NELFB: variants seen among roughly 807,000 people sequenced by gnomAD.
NELFB encodes negative elongation factor complex member B.
A neutral mutation model predicts 60.2 loss-of-function variants in NELFB; 34 were observed. That is an observed-to-expected ratio of 0.56 (90% CI 0.43 to 0.75). The LOEUF is 0.75. Among genes scored for constraint, NELFB ranks in the 30% least tolerant of loss-of-function variants. The probability of loss-of-function intolerance (pLI) is 0.00; values close to 1 mark genes in which losing one functional copy is unlikely to be tolerated. For missense variants in NELFB, 770 were observed against 831.6 expected (o/e 0.93, Z 0.91); for synonymous variants, 459 against 382.1 (o/e 1.20, Z -2.35).
chr9:137,258,718 G>A (rs1353381670), intron 4 of NELFB, among the ~76,000 whole-genome samples: 1 of 152,082 alleles, frequency 6.6e-6, no homozygotes, highest in African/African-American at 2.4e-5. Context: ...GCCTCCCAAA[G>A]TGCTGGGATT....
At chr9:137,271,965 C>A in intron 10 of NELFB, 116 bp from the exon 11 acceptor site, 1 of 1,350,804 alleles carries the variant, frequency 7.4e-7, no homozygotes, top group Non-Finnish European at 1.0e-6. Flanking sequence ...CTCAGAACAA[C>A]TGAGAACTCT....
chr9:137,257,504 CTTTTTTTT>C (rs56957141), intron 4 of NELFB, among the ~76,000 whole-genome samples: 1 of 121,316 alleles, frequency 8.2e-6, no homozygotes, highest in African/African-American at 3.1e-5. Flanking sequence ...TTTTCTTTTT[CTTTTTTTT>C]TTTTTTTGAG....
At chr9:137,263,302 G>A (rs1212980812) in intron 5 of NELFB, 80 bp downstream of exon 5, 14 of 1,199,264 alleles carry the variant, frequency 1.2e-5, no homozygotes, top group African/African-American at 2.9e-5. Flanking sequence ...CCCACTCCCC[G>A]GCCCTCCCTC....
intron 8 of NELFB, 48 bp from the exon 9 acceptor site, chr9:137,266,896 G>A (rs1490644179): frequency 6.2e-7 from 1 of 1,602,698 alleles, no homozygotes; most frequent in South Asian, 1.1e-5. Flanking sequence ...AGGGTGGGGT[G>A]GGGCAGGGCC....
At position 137,256,922 on chromosome 9, in the gene NELFB, C is replaced by G; in HGVS notation, c.609C>G (p.Ala203=). Residue 203 remains alanine (A), a synonymous_variant, in exon 4 of 13, where the codon GCC becomes GCG. Coordinates refer to ENST00000343053, the MANE Select transcript of NELFB (RefSeq NM_015456.5). Reference sequence around the variant, plus strand: ...GGCAGATCTGGCAAGACAACCAGGCCCTCTTCGGGGACGAGGTTTCCCCAC... The same window carrying G: ...GGCAGATCTGGCAAGACAACCAGGCGCTCTTCGGGGACGAGGTTTCCCCAC... 1 of 1,614,184 alleles carries G rather than the reference C, an allele frequency of 6.2e-7. No individual in the cohort carries two copies. Among genetic ancestry groups the G allele is most frequent in the Non-Finnish European group, 8.5e-7 (1 of 1,180,046 alleles).
intron 6 of NELFB, among the ~76,000 whole-genome samples, chr9:137,265,549 C>T (rs1006165543): frequency 5.3e-5 from 8 of 151,964 alleles, no homozygotes; most frequent in Admixed American, 1.3e-4. Flanking sequence ...CCACCACGCC[C>T]GGCTAATTTT....
intron 3 of NELFB, among the ~76,000 whole-genome samples, 189 bp downstream of exon 3, chr9:137,256,617 G>A (rs1201033379): frequency 6.6e-6 from 1 of 152,224 alleles, no homozygotes; most frequent in African/African-American, 2.4e-5. Context: ...TAGCACTGGA[G>A]TTAGGGTGTG....
intron 4 of NELFB, among the ~76,000 whole-genome samples, chr9:137,261,837 C>T (rs1017364081): frequency 6.6e-6 from 1 of 151,466 alleles, no homozygotes. Context: ...GTAGTGGCCC[C>T]GAATGTCAGG....
In NELFB at chr9:137,272,771, G is replaced by T; in HGVS notation, c.1741-11G>T. On this transcript the variant is annotated splice_polypyrimidine_tract_variant and intron_variant, in intron 12 of 12. Transcript: ENST00000343053. ...TGCGCCTCGCCTGCCCCATGGTGTG[G>T]TTCCCCGCAGAGCGGAGAGGCAGTG... 6.5e-7 allele frequency: 1 copy of T among 1,540,106 alleles called. No individual in the cohort carries two copies. The highest frequency in any genetic ancestry group is 8.8e-7 in the Non-Finnish European group (1 of 1,140,238).
chr9:137,264,146 A>G, intron 5 of NELFB, 99 bp from the exon 6 acceptor site: 1 of 883,062 alleles, frequency 1.1e-6, no homozygotes, highest in Admixed American at 2.2e-5. Flanking sequence ...AGCAGCTATG[A>G]TTGAACAAGA....
At position 137,273,019 on chromosome 9, in the gene NELFB, A is replaced by G. The variant is rs1830604413; in HGVS notation, c.*91A>G. ...GCTCCCGGACCTGGATGTACAGGGC[A>G]GTCTCTCTTCCCGGGGCTATGGCTG... On this transcript the variant is annotated 3_prime_UTR_variant, in exon 13 of 13. Coordinates refer to ENST00000343053, the MANE Select transcript of NELFB (RefSeq NM_015456.5). 7.4e-7 allele frequency: 1 copy of G among 1,351,422 alleles called. No individual in the cohort carries two copies. The highest frequency in any genetic ancestry group is 9.8e-7 in the Non-Finnish European group (1 of 1,018,152). 83.7% of individuals were successfully genotyped at this position (1,351,422 alleles called of 1,614,324 possible). A position where few individuals can be genotyped will look rare whatever the true frequency, so the allele number is the denominator to read the frequency against.
Position 137,267,425 on chromosome 9 carries a change from C to T in NELFB, c.1489+79C>T, listed in dbSNP as rs867625403. 40 of 1,254,666 alleles carry T rather than the reference C, an allele frequency of 3.2e-5. No individual in the cohort carries two copies. The Middle Eastern group carries it at 1.0e-3, about 32-fold the overall frequency. The allele number at this position is 1,254,666 out of a possible 1,614,324, so 77.7% of individuals were successfully genotyped here. A position where few individuals can be genotyped will look rare whatever the true frequency, so the allele number is the denominator to read the frequency against. On this transcript the variant is annotated intron_variant, in intron 10 of 12. Coordinates refer to ENST00000343053, the MANE Select transcript of NELFB (RefSeq NM_015456.5). ...TGCAGTCCTGCCCAGGGTGCGGGCCCCAGGGCCCCCAGGAGCTGCCTTGTC... is the reference window on the plus strand; with the variant it reads ...TGCAGTCCTGCCCAGGGTGCGGGCCTCAGGGCCCCCAGGAGCTGCCTTGTC...
intron 4 of NELFB, among the ~76,000 whole-genome samples, chr9:137,261,339 CAAAAAAAAAAAAAAAAAGT>C (rs1363385010): frequency 1.5e-5 from 1 of 65,636 alleles, no homozygotes; most frequent in Non-Finnish European, 3.0e-5. Context: ...GACTCGGTTT[CAAAAAAAAAAAAAAAAAGT>C]AAAAAAAAAA....
chr9:137,261,340 AAAAAAAAAAAAAAAAAGT>A (rs1353161699), intron 4 of NELFB, among the ~76,000 whole-genome samples: 4 of 124,074 alleles, frequency 3.2e-5, no homozygotes, highest in Non-Finnish European at 7.2e-5. Flanking sequence ...ACTCGGTTTC[AAAAAAAAAAAAAAAAAGT>A]AAAAAAAAAA....
At chr9:137,262,585 G>A (rs1471063665) in intron 4 of NELFB, among the ~76,000 whole-genome samples, 2 of 152,230 alleles carry the variant, frequency 1.3e-5, no homozygotes, top group African/African-American at 4.8e-5. Flanking sequence ...TCATATCTAT[G>A]ATCTATATCT....
chr9:137,261,201 G>A (rs988743560), intron 4 of NELFB, among the ~76,000 whole-genome samples: 1 of 150,808 alleles, frequency 6.6e-6, no homozygotes, highest in African/African-American at 2.4e-5. Flanking sequence ...TTAGCTGGGC[G>A]TGGTGGTGGG....
intron 12 of NELFB, 47 bp from the exon 13 acceptor site, chr9:137,272,735 G>C (rs1013436718): frequency 6.6e-7 from 1 of 1,522,214 alleles, no homozygotes; most frequent in East Asian, 2.5e-5. Flanking sequence ...TGTGCCCCCT[G>C]GGCCTGCCCA....
At chr9:137,270,168 A>G (rs772837644) in intron 10 of NELFB, among the ~76,000 whole-genome samples, 10 of 152,172 alleles carry the variant, frequency 6.6e-5, no homozygotes, top group Non-Finnish European at 1.3e-4. Context: ...GCATCTCTAC[A>G]AAAGAAGGAT....
chr9:137,262,744 T>A (rs1283635019), intron 4 of NELFB, among the ~76,000 whole-genome samples: 4 of 152,058 alleles, frequency 2.6e-5, no homozygotes, highest in Non-Finnish European at 5.9e-5. Flanking sequence ...GGCAGGAGGA[T>A]CACTTGAGCC....
Sources: gnomAD v4.1 joint callset for allele counts (sites outside exome capture counted in the v4.1 genomes callset) on GRCh38, gnomAD v4.1.1 for gene constraint, MANE v1.5 for transcripts, NCBI Gene and HGNC (gene_info 2026-07-23, HGNC 2026-07-21) for gene names.